Variants in TAX1BP1 observed in about 807,000 individuals in gnomAD.
TAX1BP1 encodes the protein tax1-binding protein 1.
In TAX1BP1, 62 loss-of-function variants were observed where a neutral mutation model predicts 97.7. The ratio of observed to expected loss-of-function variants is 0.63; its 90% CI spans 0.52 to 0.78. The LOEUF is 0.78. Among genes scored for constraint, TAX1BP1 ranks in the 30% least tolerant of loss-of-function variants. The probability of loss-of-function intolerance (pLI) is 0.00; values close to 1 mark genes in which losing one functional copy is unlikely to be tolerated. For missense variants in TAX1BP1, 867 were observed against 916.1 expected (o/e 0.95, Z 0.69); for synonymous variants, 340 against 304.2 (o/e 1.12, Z -1.23).
At chr7:27,779,002 C>T (rs1461266538) in intron 5 of TAX1BP1, among the ~76,000 whole-genome samples, 1 of 152,064 alleles carries the variant, frequency 6.6e-6, no homozygotes, top group African/African-American at 2.4e-5. Context: ...TCCTTACATA[C>T]CCCTGTCTCC....
intron 5 of TAX1BP1, among the ~76,000 whole-genome samples, chr7:27,770,856 A>C (rs780646969): frequency 2.0e-5 from 3 of 152,052 alleles, no homozygotes; most frequent in Non-Finnish European, 4.4e-5. Flanking sequence ...CTCCTTATAA[A>C]TGTGAAGTCT....
At chr7:27,792,542 A>T (rs919503879) in intron 9 of TAX1BP1, among the ~76,000 whole-genome samples, 1 of 152,218 alleles carries the variant, frequency 6.6e-6, no homozygotes, top group Non-Finnish European at 1.5e-5. Context: ...TGGTTGTTTA[A>T]GGGAGTAATA....
chr7:27,786,269 C>T (rs1213152530), intron 7 of TAX1BP1, among the ~76,000 whole-genome samples: 1 of 151,746 alleles, frequency 6.6e-6, no homozygotes, highest in Non-Finnish European at 1.5e-5. Context: ...GGACCTGGGA[C>T]TACAGGTGCC....
chr7:27,816,979 A>C lies in TAX1BP1; in HGVS notation c.2026A>C (p.Ser676Arg), dbSNP rs1327224642. The C allele has an allele frequency of 6.2e-7, 1 of 1,614,018 alleles. No homozygotes were observed. The highest frequency in any genetic ancestry group is 8.5e-7 in the Non-Finnish European group (1 of 1,180,002). The change falls in exon 15 of 17, where the codon AGC becomes CGC. Residue 676 changes from serine (S) to arginine (R), a missense_variant. This residue lies in a region of TAX1BP1 where 822 missense variants were observed against 851.4 expected (regional missense o/e 0.97). Transcript: ENST00000396319. The part of the protein sequence containing the change: ...SWGLEDNVVC[S>R]QPARNFSRPD... ...GGGACTGGAAGACAATGTTGTCTGC[A>C]GCCAGCCTGCTCGAAACTTTAGTCG...
Position 27,796,176 on chromosome 7 carries a change from C to A in TAX1BP1, c.1595C>A (p.Ala532Asp). 6.3e-7 allele frequency: 1 copy of A among 1,594,042 alleles called. No individual in the cohort carries two copies. Among genetic ancestry groups the A allele is most frequent in the Non-Finnish European group, 8.5e-7 (1 of 1,174,212 alleles). Residue 532 changes from alanine (A) to aspartate (D), a missense_variant, in exon 12 of 17, where the codon GCT (alanine) becomes GAT (aspartate). By Grantham distance (126) the Ala-to-Asp change is moderately radical. This residue lies in a region of TAX1BP1 where 822 missense variants were observed against 851.4 expected (regional missense o/e 0.97). Coordinates refer to ENST00000396319, the MANE Select transcript of TAX1BP1 (RefSeq NM_006024.7). ...GTCTGTGAAATGACCAAAGAAATTG[C>A]TGACAAAACAGAAAAGTATAATAAA... Reference protein sequence around the residue: ...GQVCEMTKEIADKTEKYNKCK... With the variant: ...GQVCEMTKEIDDKTEKYNKCK...
At chr7:27,771,253 C>CTT (rs111798171) in intron 5 of TAX1BP1, among the ~76,000 whole-genome samples, 14 of 133,586 alleles carry the variant, frequency 1.0e-4, no homozygotes, top group African/African-American at 3.5e-4. Context: ...TAATGTCAAT[C>CTT]TTTTTTTTTT....
intron 1 of TAX1BP1, among the ~76,000 whole-genome samples, chr7:27,742,859 T>C (rs1477620031): frequency 6.6e-6 from 1 of 152,200 alleles, no homozygotes; most frequent in African/African-American, 2.4e-5. Flanking sequence ...ATAACAAAAG[T>C]AAAATTTTGG....
In TAX1BP1 at chr7:27,769,706, G is replaced by T. The variant is rs143497095; in HGVS notation, c.484G>T (p.Glu162Ter). 6.2e-7 allele frequency: 1 copy of T among 1,609,484 alleles called. No homozygotes were observed. The highest frequency in any genetic ancestry group is 1.3e-5 in the African/African-American group (1 of 74,642). Reference sequence around the variant, plus strand: ...AATTGAGAAAACCATGAAAGAAAAAGAAGAACTGTTAAAGTTAATTGCCGT... The same window carrying T: ...AATTGAGAAAACCATGAAAGAAAAATAAGAACTGTTAAAGTTAATTGCCGT... ...LKIEKTMKEKEELLKLIAVLE... is the reference protein window; with the variant it reads ...LKIEKTMKEK The change falls in exon 5 of 17, where the codon GAA becomes TAA. Residue 162 changes from glutamate (E) to a stop codon, truncating the protein, a stop_gained. Coordinates refer to ENST00000396319, the MANE Select transcript of TAX1BP1 (RefSeq NM_006024.7). LOFTEE classifies it high-confidence loss of function.
intron 4 of TAX1BP1, among the ~76,000 whole-genome samples, chr7:27,766,934 GAA>G (rs1315049959): frequency 1.3e-5 from 2 of 152,002 alleles, no homozygotes; most frequent in Admixed American, 6.5e-5. Context: ...AATTTAAAAA[GAA>G]AATTTAAAAA....
intron 2 of TAX1BP1, among the ~76,000 whole-genome samples, chr7:27,753,225 A>C (rs1788086924): frequency 6.6e-6 from 1 of 152,174 alleles, no homozygotes; most frequent in Admixed American, 6.5e-5. Flanking sequence ...GCTTGAACCC[A>C]GGAGGTGGAG....
Position 27,788,323 on chromosome 7 carries a change from T to G in TAX1BP1, c.1038+720T>G, listed in dbSNP as rs143890889. Among the ~76,000 whole-genome samples, 528 of 152,188 alleles carry G rather than the reference T, an allele frequency of 3.5e-3. 3 individuals carry two copies. The highest frequency in any genetic ancestry group is 0.012 in the African/African-American group (509 of 41,564). On this transcript the variant is annotated intron_variant, in intron 8 of 16. Transcript: ENST00000396319. ...GTTAGGTTTAATAATTTGTTTAAAG[T>G]TATGCCTACCTGTCTCTATATAGGT...
chr7:27,800,919 A>G (rs1790109632), intron 13 of TAX1BP1, among the ~76,000 whole-genome samples: 1 of 152,126 alleles, frequency 6.6e-6, no homozygotes, highest in Non-Finnish European at 1.5e-5. Context: ...CCTGGCCAAC[A>G]TAGTGAAACC....
At chr7:27,787,633 A>G in intron 8 of TAX1BP1, 30 bp downstream of exon 8, 2 of 1,537,802 alleles carry the variant, frequency 1.3e-6, no homozygotes, top group Non-Finnish European at 1.8e-6. Flanking sequence ...ATATTTGAAG[A>G]TTGTAAAACA....
Position 27,765,816 on chromosome 7 carries a change from TTG to T in TAX1BP1, c.266-16_266-15del. 6.3e-7 allele frequency: 1 copy of T among 1,589,162 alleles called. No homozygotes were observed. The highest frequency in any genetic ancestry group is 8.6e-7 in the Non-Finnish European group (1 of 1,163,490). On this transcript the variant is annotated splice_polypyrimidine_tract_variant and intron_variant, in intron 3 of 16. Coordinates refer to ENST00000396319, the MANE Select transcript of TAX1BP1 (RefSeq NM_006024.7). ...ATAATAGGAAGTTTAATAATTTTGT[TTG>T]TTAACTTCCTCTTAGGATATTACCT...
chr7:27,815,712 A>T (rs1268367756), intron 13 of TAX1BP1, among the ~76,000 whole-genome samples: 1 of 152,196 alleles, frequency 6.6e-6, no homozygotes, highest in Non-Finnish European at 1.5e-5. Flanking sequence ...AAAAATCTTA[A>T]GTGATAGAAT....
chr7:27,770,185 A>C, intron 5 of TAX1BP1, among the ~76,000 whole-genome samples: 1 of 144,958 alleles, frequency 6.9e-6, no homozygotes, highest in Admixed American at 6.8e-5. Flanking sequence ...TGGGATACAT[A>C]AATTAAAATT....
chr7:27,748,551 G>C lies in TAX1BP1; in HGVS notation c.27G>C (p.Leu9Phe). 1 of 1,598,558 alleles carries C rather than the reference G, an allele frequency of 6.3e-7. No individual in the cohort carries two copies. The highest frequency in any genetic ancestry group is 8.5e-7 in the Non-Finnish European group (1 of 1,171,482). MTSFQEVP[L>F]QTSNFAHVIF... is the part of the protein sequence containing the mutation. Reference sequence around the variant, plus strand: ...TGACATCCTTTCAAGAAGTCCCATTGCAGACTTCCAACTTTGCCCATGTCA... The same window carrying C: ...TGACATCCTTTCAAGAAGTCCCATTCCAGACTTCCAACTTTGCCCATGTCA... Residue 9 changes from leucine to phenylalanine, a missense_variant, in exon 2 of 17, where the codon TTG becomes TTC. By Grantham distance (22) the Leu-to-Phe change is conservative. Coordinates refer to ENST00000396319, the MANE Select transcript of TAX1BP1 (RefSeq NM_006024.7).
intron 14 of TAX1BP1, 65 bp from the exon 15 acceptor site, chr7:27,816,825 C>G: frequency 2.6e-6 from 4 of 1,562,260 alleles, no homozygotes; most frequent in Non-Finnish European, 3.5e-6. Context: ...TTCATCATAT[C>G]TGTATATACA....
chr7:27,811,583 T>A (rs1215761587), intron 13 of TAX1BP1, among the ~76,000 whole-genome samples: 1 of 148,374 alleles, frequency 6.7e-6, no homozygotes, highest in East Asian at 2.0e-4. Context: ...GGCCTCTGGT[T>A]GATTTTTTTT....
Sources: gnomAD v4.1 joint callset for allele counts (sites outside exome capture counted in the v4.1 genomes callset) on GRCh38, gnomAD v4.1.1 for gene constraint, gnomAD v4.1.1 regional missense constraint, MANE v1.5 for transcripts, NCBI Gene and HGNC (gene_info 2026-07-23, HGNC 2026-07-21) for gene names.